Variants in SEMA6D observed in about 807,000 individuals in gnomAD.
SEMA6D encodes the protein semaphorin 6D.
In SEMA6D, 35 loss-of-function variants were observed where a neutral mutation model predicts 106.6. That is an observed-to-expected ratio of 0.33 (90% CI 0.25 to 0.44). The LOEUF (loss-of-function observed/expected upper bound fraction) is 0.44. Among genes scored for constraint, SEMA6D ranks in the 20% least tolerant of loss-of-function variants. The pLI, the probability that SEMA6D is intolerant of heterozygous loss-of-function variation, is 1.00. For synonymous variants in SEMA6D, 499 were observed against 487.7 expected (o/e 1.02, Z -0.31); for missense variants, 1,185 against 1,345.9 (o/e 0.88, Z 1.87).
At chr15:47,424,571 A>G (rs1439277462) in intron 2 of SEMA6D, among the ~76,000 whole-genome samples, 1 of 152,138 alleles carries the variant, frequency 6.6e-6, no homozygotes, top group Non-Finnish European at 1.5e-5. Context: ...TTTTTAATGT[A>G]TTTATTCATC....
chr15:47,619,513 A>G (rs1373742276), intron 4 of SEMA6D, among the ~76,000 whole-genome samples: 1 of 152,200 alleles, frequency 6.6e-6, no homozygotes, highest in Non-Finnish European at 1.5e-5. Context: ...GCCAAGCTAA[A>G]TTTCTTTTCT....
intron 4 of SEMA6D, among the ~76,000 whole-genome samples, chr15:47,695,096 GCC>G (rs1405878625): frequency 6.6e-6 from 1 of 152,186 alleles, no homozygotes; most frequent in Non-Finnish European, 1.5e-5. Flanking sequence ...AGATTGCCTA[GCC>G]ACTAGGTGGT....
intron 4 of SEMA6D, among the ~76,000 whole-genome samples, chr15:47,711,691 T>C (rs1166693917): frequency 2.0e-5 from 3 of 152,252 alleles, no homozygotes. Context: ...ATTAGCAGTG[T>C]AATTTTAATA....
intron 1 of SEMA6D, among the ~76,000 whole-genome samples, chr15:47,188,805 AT>A: frequency 1.3e-5 from 2 of 152,338 alleles, no homozygotes; most frequent in South Asian, 4.1e-4. Flanking sequence ...AAGGTCTAAT[AT>A]TGCAAATGCT....
At chr15:47,277,219 A>G (rs2034859838) in intron 1 of SEMA6D, among the ~76,000 whole-genome samples, 1 of 152,192 alleles carries the variant, frequency 6.6e-6, no homozygotes, top group Non-Finnish European at 1.5e-5. Context: ...AATGACAACA[A>G]AAGATCTAGA....
chr15:47,544,620 G>A (rs542245849), intron 3 of SEMA6D, among the ~76,000 whole-genome samples: 2 of 152,164 alleles, frequency 1.3e-5, no homozygotes, highest in East Asian at 3.9e-4. Context: ...TGGGAAAATG[G>A]AACTCAGGAT....
chr15:47,448,450 G>A (rs1381890084), intron 2 of SEMA6D, among the ~76,000 whole-genome samples: 2 of 152,086 alleles, frequency 1.3e-5, no homozygotes, highest in African/African-American at 4.8e-5. Context: ...TAGTGATGGG[G>A]CACACACTTT....
intron 1 of SEMA6D, among the ~76,000 whole-genome samples, chr15:47,264,101 A>G (rs1242501646): frequency 6.6e-6 from 1 of 151,986 alleles, no homozygotes; most frequent in African/African-American, 2.4e-5. Context: ...AGAAACAAAA[A>G]AGCAAATACT....
intron 1 of SEMA6D, among the ~76,000 whole-genome samples, chr15:47,345,621 G>C (rs1164317010): frequency 6.6e-6 from 1 of 152,096 alleles, no homozygotes; most frequent in African/African-American, 2.4e-5. Flanking sequence ...AAATGTAAGA[G>C]AAAACGTTTG....
At chr15:47,371,134 A>G (rs1471076927) in intron 1 of SEMA6D, among the ~76,000 whole-genome samples, 6 of 152,206 alleles carry the variant, frequency 3.9e-5, no homozygotes, top group Non-Finnish European at 8.8e-5. Flanking sequence ...CTTTTCCTTT[A>G]GGGCCACAGT....
chr15:47,756,886 T>C (rs1410494755), intron 1 of SEMA6D, among the ~76,000 whole-genome samples: 2 of 146,824 alleles, frequency 1.4e-5, no homozygotes, highest in African/African-American at 5.1e-5. Context: ...CTATGGCAAG[T>C]CTGAATGTAA....
intron 1 of SEMA6D, among the ~76,000 whole-genome samples, chr15:47,225,570 C>T (rs145635283): frequency 8.2e-5 from 11 of 134,212 alleles, no homozygotes; most frequent in African/African-American, 2.9e-4. Flanking sequence ...TCTGGTTGCC[C>T]AGGCTAGAGT....
chr15:47,271,106 G>A (rs1020863976), intron 1 of SEMA6D, among the ~76,000 whole-genome samples: 7 of 151,988 alleles, frequency 4.6e-5, no homozygotes, highest in East Asian at 1.9e-4. Flanking sequence ...TACACAAACC[G>A]GAATTGTATT....
chr15:47,566,377 A>C (rs16959687), intron 3 of SEMA6D, among the ~76,000 whole-genome samples: 2 of 152,186 alleles, frequency 1.3e-5, no homozygotes, highest in African/African-American at 2.4e-5. Flanking sequence ...GGGAAGAGGA[A>C]GAGACAATGA....
intron 1 of SEMA6D, among the ~76,000 whole-genome samples, chr15:47,750,374 C>G (rs558822933): frequency 1.3e-3 from 198 of 152,218 alleles, no homozygotes; most frequent in African/African-American, 4.4e-3. Context: ...TTTAGCAGCC[C>G]CCTTGTATTG....
chr15:47,367,113 G>C (rs887194612), intron 1 of SEMA6D, among the ~76,000 whole-genome samples: 1 of 152,200 alleles, frequency 6.6e-6, no homozygotes, highest in Non-Finnish European at 1.5e-5. Flanking sequence ...TAGAGTTGGG[G>C]TGAGTTTGAC....
intron 4 of SEMA6D, among the ~76,000 whole-genome samples, chr15:47,634,035 G>T (rs2077338015): frequency 6.6e-6 from 1 of 152,012 alleles, no homozygotes; most frequent in Non-Finnish European, 1.5e-5. Context: ...TCTATATCAA[G>T]AGAATTTGTA....
At chr15:47,693,966 G>C (rs11070606) in intron 4 of SEMA6D, among the ~76,000 whole-genome samples, 55,694 of 151,906 alleles carry the variant, frequency 0.37, 11,369 homozygotes, top group Middle Eastern at 0.5. Flanking sequence ...AAATCTGAGA[G>C]CAGAGACAAG....
chr15:47,357,940 A>C (rs737520), intron 1 of SEMA6D, among the ~76,000 whole-genome samples: 96,633 of 152,092 alleles, frequency 0.64, 31,753 homozygotes, highest in Non-Finnish European at 0.72. Context: ...ATTCTTATCA[A>C]AATTATTCTT....
Sources: gnomAD v4.1 joint callset for allele counts (sites outside exome capture counted in the v4.1 genomes callset) on GRCh38, gnomAD v4.1.1 for gene constraint, MANE v1.5 for transcripts, NCBI Gene and HGNC (gene_info 2026-07-23, HGNC 2026-07-21) for gene names.